The following GPC5 variants were observed in gnomAD, a reference collection of about 807,000 sequenced individuals.
GPC5 encodes the protein glypican-5.
A neutral mutation model predicts 53.9 loss-of-function variants in GPC5; 47 were observed. That is an observed-to-expected ratio of 0.87 (90% CI 0.69 to 1.11). The LOEUF is 1.11. Among genes scored for constraint, GPC5 ranks in the 50% most tolerant of loss-of-function variants. The pLI is 0.00. For synonymous variants in GPC5, 286 were observed against 263.3 expected, an observed-to-expected ratio of 1.09 and a Z score of -0.84; for missense variants, 748 against 713.1, an observed-to-expected ratio of 1.05 and a Z score of -0.56.
intron 5 of GPC5, among the ~76,000 whole-genome samples, chr13:91,850,137 A>C (rs2038896990): frequency 6.6e-6 from 1 of 152,138 alleles, no homozygotes; most frequent in Non-Finnish European, 1.5e-5. Context: ...AGATACCATG[A>C]CTCTCACCTT....
chr13:92,605,680 C>A (rs888945435), intron 7 of GPC5, among the ~76,000 whole-genome samples: 1 of 151,510 alleles, frequency 6.6e-6, no homozygotes, highest in African/African-American at 2.4e-5. Flanking sequence ...AGCTCCGCTT[C>A]CCGGGTTCAC....
intron 6 of GPC5, among the ~76,000 whole-genome samples, chr13:92,122,106 A>T (rs1217090026): frequency 6.6e-6 from 1 of 152,142 alleles, no homozygotes; most frequent in African/African-American, 2.4e-5. Context: ...TAGCAATTAA[A>T]ATAGTTTTAC....
At chr13:92,324,313 C>A (rs1196554828) in intron 7 of GPC5, among the ~76,000 whole-genome samples, 3 of 151,888 alleles carry the variant, frequency 2.0e-5, no homozygotes, top group Non-Finnish European at 4.4e-5. Flanking sequence ...TACCAAAAAC[C>A]TCTATTGCTT....
chr13:91,791,058 G>A (rs2037956240), intron 5 of GPC5, among the ~76,000 whole-genome samples: 1 of 152,198 alleles, frequency 6.6e-6, no homozygotes. Flanking sequence ...TAGCCTCACA[G>A]TGTGAAACAC....
At chr13:91,524,949 A>T (rs931385865) in intron 2 of GPC5, among the ~76,000 whole-genome samples, 6 of 152,228 alleles carry the variant, frequency 3.9e-5, no homozygotes, top group Admixed American at 3.9e-4. Flanking sequence ...TGTATTACTG[A>T]TGAAAAGATA....
intron 7 of GPC5, among the ~76,000 whole-genome samples, chr13:92,518,754 A>G (rs999120853): frequency 9.2e-5 from 14 of 152,198 alleles, no homozygotes; most frequent in Non-Finnish European, 1.6e-4. Context: ...CATCATAATG[A>G]CAGGATCAAA....
At chr13:92,778,875 G>A (rs1358778529) in intron 7 of GPC5, among the ~76,000 whole-genome samples, 1 of 152,050 alleles carries the variant, frequency 6.6e-6, no homozygotes, top group Non-Finnish European at 1.5e-5. Flanking sequence ...GTTTCTGTAT[G>A]TACCTGCGAA....
intron 6 of GPC5, among the ~76,000 whole-genome samples, chr13:92,023,121 C>T (rs1277980151): frequency 6.6e-6 from 1 of 151,994 alleles, no homozygotes; most frequent in Non-Finnish European, 1.5e-5. Flanking sequence ...AAAGTGATGA[C>T]AGTGTTAAGT....
At chr13:92,675,099 A>G (rs1340259238) in intron 7 of GPC5, among the ~76,000 whole-genome samples, 1 of 152,150 alleles carries the variant, frequency 6.6e-6, no homozygotes, top group Non-Finnish European at 1.5e-5. Flanking sequence ...TACTAGTACA[A>G]AATATTGATG....
Position 92,703,043 on chromosome 13 carries a change from C to CAT in GPC5, c.1562-163228_1562-163227dup, listed in dbSNP as rs35274895. Among the ~76,000 whole-genome samples the CAT allele has an allele frequency of 7.4e-3, 1,038 of 139,814 alleles. 5 individuals are homozygous for CAT. Among genetic ancestry groups the CAT allele is most frequent in the Non-Finnish European group, 0.012 (777 of 64,772 alleles). 91.7% of individuals were successfully genotyped at this position (139,814 alleles called of 152,430 possible). ...TTATACTCCTCATCCCTATACCTGG[C>CAT]ATATATATATATTTATTTATTTATT... On this transcript the variant is annotated intron_variant, in intron 7 of 7. Coordinates refer to ENST00000377067, the MANE Select transcript of GPC5 (RefSeq NM_004466.6).
intron 7 of GPC5, among the ~76,000 whole-genome samples, chr13:92,865,721 T>C (rs976531896): frequency 1.3e-5 from 2 of 152,166 alleles, no homozygotes; most frequent in African/African-American, 4.8e-5. Flanking sequence ...TTATCATTCC[T>C]CCTGGTATAC....
chr13:91,935,346 T>A (rs994050332), intron 6 of GPC5, among the ~76,000 whole-genome samples: 9 of 151,906 alleles, frequency 5.9e-5, no homozygotes, highest in Non-Finnish European at 1.0e-4. Context: ...ATTTGGGAGA[T>A]GATTAAGCCA....
chr13:91,922,524 A>G (rs1425023556), intron 6 of GPC5, among the ~76,000 whole-genome samples: 3 of 152,282 alleles, frequency 2.0e-5, no homozygotes, highest in East Asian at 3.9e-4. Context: ...AAAGAAAATT[A>G]TTACGTTGAC....
At chr13:92,653,562 A>G (rs1886028972) in intron 7 of GPC5, among the ~76,000 whole-genome samples, 1 of 152,226 alleles carries the variant, frequency 6.6e-6, no homozygotes, top group Non-Finnish European at 1.5e-5. Context: ...GGGGATAATT[A>G]AAGAGAATGT....
intron 7 of GPC5, chr13:92,240,581 G>T (rs1402019010): frequency 3.9e-5 from 6 of 152,294 alleles, no homozygotes; most frequent in African/African-American, 1.4e-4. Context: ...TCGGCTCACT[G>T]CAACCTTCAC....
At chr13:92,505,543 G>A (rs931054030) in intron 7 of GPC5, among the ~76,000 whole-genome samples, 3 of 152,008 alleles carry the variant, frequency 2.0e-5, no homozygotes, top group Non-Finnish European at 4.4e-5. Flanking sequence ...ACTCTTTAAG[G>A]TGGTTGGTAG....
rs143551430 is a variant in GPC5, at chr13:91,922,975, C to A, written c.1401+14918C>A. ...ACCACCCTCCATTGAATTCTGGGAT[C>A]GTAAGGTCATAGTAGTTCATAAGGC... On this transcript the variant is annotated intron_variant, in intron 6 of 7. Transcript: ENST00000377067. 1.0e-3 allele frequency among the ~76,000 whole-genome samples: 153 copies of A among 152,194 alleles called. 1 individual carries two copies. The highest frequency in any genetic ancestry group is 3.5e-3 in the African/African-American group (145 of 41,552).
intron 7 of GPC5, among the ~76,000 whole-genome samples, chr13:92,395,261 A>G (rs1033841696): frequency 3.3e-5 from 5 of 152,132 alleles, no homozygotes; most frequent in Non-Finnish European, 5.9e-5. Flanking sequence ...ATCAATTATA[A>G]ATTTTTAAAA....
chr13:92,792,590 G>A (rs1329638545), intron 7 of GPC5, among the ~76,000 whole-genome samples: 3 of 152,078 alleles, frequency 2.0e-5, no homozygotes, highest in African/African-American at 7.2e-5. Context: ...AAAAGACACA[G>A]ACTGGCAAAC....
Sources: allele counts gnomAD v4.1 joint callset (sites outside exome capture counted in the v4.1 genomes callset), GRCh38; gene constraint gnomAD v4.1.1; transcripts MANE v1.5; gene names NCBI Gene and HGNC (gene_info 2026-07-23, HGNC 2026-07-21).